BBX: variants seen among roughly 807,000 people sequenced by gnomAD.
BBX encodes the protein BBX high mobility group box domain containing.
Under a neutral mutation model 100.2 loss-of-function variants are expected in BBX, and 30 were observed. The observed-to-expected ratio is 0.30, with a 90% confidence interval of 0.22 to 0.41. The LOEUF is 0.41. Among genes scored for constraint, BBX ranks in the 10% least tolerant of loss-of-function variants. The pLI is 1.00. For missense variants in BBX, 1,023 were observed against 1,129.8 expected, an observed-to-expected ratio of 0.91 and a Z score of 1.35; for synonymous variants, 376 against 388.1, an observed-to-expected ratio of 0.97 and a Z score of 0.37.
intron 7 of BBX, among the ~76,000 whole-genome samples, chr3:107,735,365 G>A (rs1021065569): frequency 1.3e-5 from 2 of 152,048 alleles, no homozygotes; most frequent in Non-Finnish European, 2.9e-5. Flanking sequence ...TCATATTTCT[G>A]ACATTTAGAA....
chr3:107,627,671 T>C (rs2056281879), intron 2 of BBX, among the ~76,000 whole-genome samples: 1 of 152,114 alleles, frequency 6.6e-6, no homozygotes, highest in African/African-American at 2.4e-5. Context: ...AGGTTCAATT[T>C]TTTTTTTCTT....
intron 3 of BBX, among the ~76,000 whole-genome samples, chr3:107,686,945 G>A (rs943848036): frequency 6.6e-6 from 1 of 152,148 alleles, no homozygotes; most frequent in South Asian, 2.1e-4. Context: ...ACTGAATTGT[G>A]TCTAAAATAA....
intron 3 of BBX, among the ~76,000 whole-genome samples, chr3:107,690,603 G>A (rs2060096437): frequency 6.6e-6 from 1 of 152,066 alleles, no homozygotes; most frequent in Admixed American, 6.6e-5. Flanking sequence ...TGATTTCCCA[G>A]GTTTATATGG....
chr3:107,729,019 C>G, intron 6 of BBX, 59 bp downstream of exon 6: 2 of 1,532,672 alleles, frequency 1.3e-6, no homozygotes, highest in Non-Finnish European at 1.8e-6. Context: ...ATTTCGGCAG[C>G]ATTTTAAACA....
intron 9 of BBX, among the ~76,000 whole-genome samples, chr3:107,748,448 G>A (rs562110924): frequency 6.6e-6 from 1 of 152,156 alleles, no homozygotes; most frequent in Admixed American, 6.5e-5. Flanking sequence ...TGGTGAATAC[G>A]ACCTGTTAAA....
At chr3:107,639,434 A>G (rs1348093603) in intron 2 of BBX, among the ~76,000 whole-genome samples, 1 of 152,026 alleles carries the variant, frequency 6.6e-6, no homozygotes, top group African/African-American at 2.4e-5. Flanking sequence ...TTTATTTTCC[A>G]GCTTAGTTCT....
rs772955903 is a variant in BBX, at chr3:107,805,507, G to C, written c.*50G>C. On this transcript the variant is annotated 3_prime_UTR_variant, in exon 18 of 18. Transcript: ENST00000325805. The stretch of plus-strand genomic sequence containing the variant: ...GTGCTTTACCTACTACCCTAGCCTT[G>C]TCTTTACCGAGGGATGCTAGTGAGT... 5 of 1,613,610 alleles carry C rather than the reference G, an allele frequency of 3.1e-6. No individual in the cohort carries two copies. Among genetic ancestry groups the C allele is most frequent in the Non-Finnish European group, 4.2e-6 (5 of 1,179,788 alleles).
chr3:107,765,217 T>G (rs2066287135), intron 10 of BBX, among the ~76,000 whole-genome samples: 2 of 152,344 alleles, frequency 1.3e-5, no homozygotes, highest in South Asian at 2.1e-4. Context: ...TATTACATTA[T>G]TTTAGCTCTG....
chr3:107,593,014 AAAAGCT>A (rs1340637650), intron 2 of BBX, among the ~76,000 whole-genome samples: 1 of 152,216 alleles, frequency 6.6e-6, no homozygotes, highest in Non-Finnish European at 1.5e-5. Context: ...TGTACTTCTA[AAAAGCT>A]AATTATCTGA....
At chr3:107,758,312 T>C (rs184234885) in intron 10 of BBX, among the ~76,000 whole-genome samples, 1 of 152,250 alleles carries the variant, frequency 6.6e-6, no homozygotes, top group East Asian at 1.9e-4. Flanking sequence ...AAAAGAAAAC[T>C]GAAGGAAGTT....
intron 5 of BBX, among the ~76,000 whole-genome samples, chr3:107,728,126 A>G (rs1299434816): frequency 6.6e-6 from 1 of 152,184 alleles, no homozygotes; most frequent in Non-Finnish European, 1.5e-5. Context: ...AACATCACAT[A>G]TCAGTGCTCT....
At chr3:107,632,205 G>A (rs985570929) in intron 2 of BBX, among the ~76,000 whole-genome samples, 42 of 152,008 alleles carry the variant, frequency 2.8e-4, no homozygotes, top group African/African-American at 9.9e-4. Context: ...GCCTACCCGA[G>A]TAGCTGGGAC....
chr3:107,702,215 G>C (rs1016726870), intron 3 of BBX, among the ~76,000 whole-genome samples: 1 of 152,204 alleles, frequency 6.6e-6, no homozygotes, highest in African/African-American at 2.4e-5. Context: ...CTATAAGAGA[G>C]CCAGTGAGCT....
chr3:107,536,514 C>CG (rs1281208813), intron 2 of BBX, among the ~76,000 whole-genome samples: 1 of 152,080 alleles, frequency 6.6e-6, no homozygotes, highest in African/African-American at 2.4e-5. Context: ...TTTCCGAAGG[C>CG]GCTCGTCTTT....
intron 10 of BBX, among the ~76,000 whole-genome samples, chr3:107,769,836 G>C (rs2066749418): frequency 6.6e-6 from 1 of 152,058 alleles, no homozygotes; most frequent in Non-Finnish European, 1.5e-5. Context: ...TCCTGCCTTG[G>C]GTAGGTTAAA....
At chr3:107,733,612 G>T (rs561875426) in intron 7 of BBX, among the ~76,000 whole-genome samples, 1 of 152,162 alleles carries the variant, frequency 6.6e-6, no homozygotes, top group African/African-American at 2.4e-5. Flanking sequence ...GGGTGGCTTG[G>T]ACTACAGGCA....
intron 2 of BBX, among the ~76,000 whole-genome samples, chr3:107,643,312 C>A (rs1031763874): frequency 6.6e-6 from 1 of 152,076 alleles, no homozygotes; most frequent in African/African-American, 2.4e-5. Flanking sequence ...TTGTAAGGGA[C>A]AAATAATATT....
chr3:107,547,458 T>A (rs1469253495), intron 2 of BBX, among the ~76,000 whole-genome samples: 1 of 152,126 alleles, frequency 6.6e-6, no homozygotes. Context: ...AATGTAAGGC[T>A]GAATTTTGAA....
intron 2 of BBX, among the ~76,000 whole-genome samples, chr3:107,573,377 G>T (rs2051516331): frequency 6.6e-6 from 1 of 152,142 alleles, no homozygotes; most frequent in Admixed American, 6.5e-5. Context: ...GGCCAATACG[G>T]TGAAACACCG....
Sources: gnomAD v4.1 joint callset for allele counts (sites outside exome capture counted in the v4.1 genomes callset) on GRCh38, gnomAD v4.1.1 for gene constraint, MANE v1.5 for transcripts, NCBI Gene and HGNC (gene_info 2026-07-23, HGNC 2026-07-21) for gene names.